The following FMN1 variants were observed in gnomAD, a reference collection of about 807,000 sequenced individuals.
The protein encoded by FMN1 is formin-1.
FMN1 carries 110 observed loss-of-function variants against 132.4 expected under a neutral mutation model. That is an observed-to-expected ratio of 0.83 (90% CI 0.71 to 0.97). The LOEUF (loss-of-function observed/expected upper bound fraction) is 0.97, where lower values mean the gene tolerates loss of function less well. FMN1 is among the 50% of genes least tolerant of loss of function. The probability of loss-of-function intolerance (pLI) is 0.00; values close to 1 mark genes in which losing one functional copy is unlikely to be tolerated. For synonymous variants in FMN1, 722 were observed against 651.7 expected (o/e 1.11, Z -1.64); for missense variants, 1,792 against 1,705.3 (o/e 1.05, Z -0.90).
At chr15:32,958,766 G>A (rs951229488) in intron 9 of FMN1, among the ~76,000 whole-genome samples, 2 of 152,318 alleles carry the variant, frequency 1.3e-5, no homozygotes, top group South Asian at 4.1e-4. Flanking sequence ...TCATGGCTGG[G>A]TGCAGTGGCT....
intron 4 of FMN1, among the ~76,000 whole-genome samples, chr15:33,116,369 G>T (rs902394554): frequency 6.6e-6 from 1 of 152,138 alleles, no homozygotes; most frequent in African/African-American, 2.4e-5. Context: ...ATCCGAGGCA[G>T]CCAACTGTTC....
intron 19 of FMN1, among the ~76,000 whole-genome samples, chr15:32,793,156 A>G (rs1015604400): frequency 2.0e-5 from 3 of 152,224 alleles, no homozygotes; most frequent in Non-Finnish European, 4.4e-5. Flanking sequence ...CAATGATCCT[A>G]TAATTCTTAC....
chr15:32,995,224 TTACA>T (rs1326789968), intron 7 of FMN1, among the ~76,000 whole-genome samples: 2 of 152,110 alleles, frequency 1.3e-5, no homozygotes, highest in Non-Finnish European at 2.9e-5. Flanking sequence ...TAGAAGTGTA[TTACA>T]TAGACACCTG....
intron 5 of FMN1, chr15:33,066,878 T>C (rs2037755553): frequency 6.2e-7 from 1 of 1,613,970 alleles, no homozygotes; most frequent in African/African-American, 1.3e-5. Context: ...GGGAGTGGCC[T>C]TCGGATCAGT....
intron 6 of FMN1, among the ~76,000 whole-genome samples, chr15:33,040,591 A>G (rs767471420): frequency 1.3e-5 from 2 of 152,244 alleles, no homozygotes; most frequent in Non-Finnish European, 2.9e-5. Flanking sequence ...GTATTACTAA[A>G]TAAGAGTTAG....
intron 4 of FMN1, among the ~76,000 whole-genome samples, chr15:33,099,610 G>A (rs1467967284): frequency 1.3e-5 from 2 of 152,136 alleles, no homozygotes; most frequent in African/African-American, 2.4e-5. Flanking sequence ...TTCTTTCCAG[G>A]ATGAATTGAT....
intron 4 of FMN1, among the ~76,000 whole-genome samples, chr15:33,116,716 T>C (rs1175316757): frequency 6.6e-6 from 1 of 151,966 alleles, no homozygotes; most frequent in Non-Finnish European, 1.5e-5. Flanking sequence ...AGCCCAAACA[T>C]GATTATAAGA....
At chr15:33,101,766 A>G (rs953976820) in intron 4 of FMN1, among the ~76,000 whole-genome samples, 1 of 152,112 alleles carries the variant, frequency 6.6e-6, no homozygotes, top group African/African-American at 2.4e-5. Context: ...ATAGACCTTC[A>G]ACAACTTCTT....
At chr15:33,125,777 C>T (rs1963002119) in intron 4 of FMN1, among the ~76,000 whole-genome samples, 1 of 151,976 alleles carries the variant, frequency 6.6e-6, no homozygotes, top group African/African-American at 2.4e-5. Context: ...GGTAAAAACT[C>T]CCACTGTTTT....
At chr15:33,031,978 CAA>C (rs1448294636) in intron 6 of FMN1, among the ~76,000 whole-genome samples, 29 of 40,746 alleles carry the variant, frequency 7.1e-4, no homozygotes, top group African/African-American at 2.8e-3. Flanking sequence ...GTCTAAAAAT[CAA>C]TAAATGTAAT....
Position 32,969,491 on chromosome 15 carries a change from C to G in FMN1, c.2224-14G>C, listed in dbSNP as rs370156715. The G allele has an allele frequency of 1.2e-6, 2 of 1,609,824 alleles. No individual in the cohort carries two copies. The highest frequency in any genetic ancestry group is 1.7e-6 in the Non-Finnish European group (2 of 1,177,974). ...TTCAAACTGTGCCTATAGGAAAATT[C>G]AGAGGGAAAGAAAGTAATGAGTTTA... is the stretch of plus-strand genomic sequence containing the variant. On this transcript the variant is annotated splice_polypyrimidine_tract_variant and intron_variant, in intron 7 of 20. Transcript: ENST00000616417.
At chr15:32,914,435 T>A (rs904301319) in intron 10 of FMN1, among the ~76,000 whole-genome samples, 1 of 152,176 alleles carries the variant, frequency 6.6e-6, no homozygotes, top group African/African-American at 2.4e-5. Flanking sequence ...AGTTCAATTT[T>A]GGTTTGAAGA....
chr15:33,125,908 G>A (rs1963017578), intron 4 of FMN1, among the ~76,000 whole-genome samples: 2 of 152,118 alleles, frequency 1.3e-5, no homozygotes, highest in African/African-American at 4.8e-5. Context: ...ATTGAAAAGT[G>A]CCAAATTTCT....
chr15:32,991,480 C>T (rs1247547555), intron 7 of FMN1, among the ~76,000 whole-genome samples: 2 of 152,252 alleles, frequency 1.3e-5, no homozygotes, highest in African/African-American at 4.8e-5. Context: ...AAATTCTGGA[C>T]CATCGAAAAT....
intron 3 of FMN1, among the ~76,000 whole-genome samples, chr15:33,170,035 A>C (rs1965259684): frequency 6.6e-6 from 1 of 152,278 alleles, no homozygotes; most frequent in East Asian, 1.9e-4. Flanking sequence ...AGCCAAATAA[A>C]TTTATATCAA....
intron 15 of FMN1, among the ~76,000 whole-genome samples, chr15:32,895,065 A>G (rs1195270344): frequency 2.6e-5 from 4 of 152,274 alleles, no homozygotes; most frequent in African/African-American, 9.6e-5. Context: ...AATTTTTCCA[A>G]TATTTTGCTA....
At chr15:33,074,978 A>C (rs1488651562) in intron 5 of FMN1, among the ~76,000 whole-genome samples, 2 of 137,258 alleles carry the variant, frequency 1.5e-5, no homozygotes, top group Non-Finnish European at 3.0e-5. Context: ...CCGAGATGGC[A>C]CTACTGCACT....
rs2056189748 is a variant in FMN1 at position 32,770,342 on chromosome 15, A to T, written c.*3968T>A. 1 of 152,366 alleles carries T rather than the reference A, an allele frequency of 6.6e-6. No individual in the cohort carries two copies. The highest frequency in any genetic ancestry group is 1.5e-5 in the Non-Finnish European group (1 of 68,034). 9.4% of individuals were successfully genotyped at this position (152,366 alleles called of 1,614,324 possible). A position where few individuals can be genotyped will look rare whatever the true frequency, so the allele number is the denominator to read the frequency against. ...GGCCAAGGGAGAAGCAGAAACAGAA[A>T]TGAGGACATGTAACTTTCAAGAAAG... On this transcript the variant is annotated 3_prime_UTR_variant, in exon 21 of 21. Transcript: ENST00000616417.
intron 6 of FMN1, among the ~76,000 whole-genome samples, chr15:33,035,013 G>A (rs548054815): frequency 6.6e-6 from 1 of 152,200 alleles, no homozygotes; most frequent in Admixed American, 6.5e-5. Context: ...TTTGACAGAT[G>A]GCAAAACCTA....
Sources: allele counts gnomAD v4.1 joint callset (sites outside exome capture counted in the v4.1 genomes callset), GRCh38; gene constraint gnomAD v4.1.1; transcripts MANE v1.5; gene names NCBI Gene and HGNC (gene_info 2026-07-23, HGNC 2026-07-21).